OSBP2: variants seen among roughly 807,000 people sequenced by gnomAD.
OSBP2 encodes oxysterol-binding protein 2.
A neutral mutation model predicts 96.0 loss-of-function variants in OSBP2; 66 were observed. That is an observed-to-expected ratio of 0.69 (90% CI 0.56 to 0.84). The LOEUF (loss-of-function observed/expected upper bound fraction) is 0.84. Among genes scored for constraint, OSBP2 ranks in the 40% least tolerant of loss-of-function variants. OSBP2 has a pLI of 0.00. For missense variants in OSBP2, 1,038 were observed against 1,222.7 expected, an observed-to-expected ratio of 0.85 and a Z score of 2.25; for synonymous variants, 525 against 520.9, an observed-to-expected ratio of 1.01 and a Z score of -0.11.
intron 2 of OSBP2, among the ~76,000 whole-genome samples, chr22:30,766,571 G>A (rs1173865888): frequency 1.3e-5 from 2 of 152,102 alleles, no homozygotes; most frequent in African/African-American, 4.8e-5. Flanking sequence ...CTCCCTCCAC[G>A]CTCTTGGCCT....
chr22:30,833,780 TC>T (rs1345721370), intron 2 of OSBP2, among the ~76,000 whole-genome samples: 1 of 152,232 alleles, frequency 6.6e-6, no homozygotes, highest in Non-Finnish European at 1.5e-5. Context: ...GTCTGGGACT[TC>T]ATCATCATAT....
At position 30,730,811 on chromosome 22, in the gene OSBP2, T is replaced by TAA. The variant is rs544751584; in HGVS notation, c.645-10350_645-10349insAA. ...ATATATATATATATATATATATAAT[T>TAA]TTTTTTTTTTTTCCCATGGACATTT... On this transcript the variant is annotated intron_variant, in intron 1 of 13. Coordinates refer to ENST00000332585, the MANE Select transcript of OSBP2 (RefSeq NM_030758.4). Among the ~76,000 whole-genome samples the TAA allele has an allele frequency of 4.9e-3, 343 of 69,520 alleles. 43 individuals carry two copies. Among genetic ancestry groups the TAA allele is most frequent in the African/African-American group, 0.024 (327 of 13,638 alleles). 45.6% of individuals were successfully genotyped at this position (69,520 alleles called of 152,430 possible).
intron 2 of OSBP2, among the ~76,000 whole-genome samples, chr22:30,813,337 C>G (rs2091036792): frequency 6.6e-6 from 1 of 151,888 alleles, no homozygotes; most frequent in Non-Finnish European, 1.5e-5. Context: ...CCATGCCTGA[C>G]TAATTTTTGT....
At chr22:30,857,986 A>G (rs1424910565) in intron 2 of OSBP2, among the ~76,000 whole-genome samples, 1 of 152,212 alleles carries the variant, frequency 6.6e-6, no homozygotes, top group Non-Finnish European at 1.5e-5. Flanking sequence ...CTGCAGACAG[A>G]AGAGGCGGGA....
At position 30,870,408 on chromosome 22, in the gene OSBP2, CA is replaced by C. The variant is rs1569158457; in HGVS notation, c.854-19del. On this transcript the variant is annotated intron_variant, in intron 2 of 13. Coordinates refer to ENST00000332585, the MANE Select transcript of OSBP2 (RefSeq NM_030758.4). The surrounding 1 kb of genome is among the most constrained non-coding windows in gnomAD (Gnocchi z 4.1). ...CCACGTCTGTTCGTAATGACCGTAA[CA>C]ACTCTATTTTCTTCCACAGATGACT... The C allele has an allele frequency of 1.2e-6, 2 of 1,612,772 alleles. No individual in the cohort carries two copies. The highest frequency in any genetic ancestry group is 3.3e-5 in the Admixed American group (2 of 60,014).
chr22:30,735,128 G>A (rs1381992113), intron 1 of OSBP2, among the ~76,000 whole-genome samples: 1 of 152,178 alleles, frequency 6.6e-6, no homozygotes, highest in Non-Finnish European at 1.5e-5. Flanking sequence ...GGAGTTCAAG[G>A]CTGCAGTGAG....
At chr22:30,746,119 C>T (rs1275193346) in intron 2 of OSBP2, among the ~76,000 whole-genome samples, 2 of 152,062 alleles carry the variant, frequency 1.3e-5, no homozygotes, top group Non-Finnish European at 2.9e-5. Context: ...TTCTACCAAA[C>T]ATTTAAAGAA....
Position 30,889,209 on chromosome 22 carries a change from C to T in OSBP2, c.1451C>T (p.Ser484Phe). 3 of 1,613,514 alleles carry T rather than the reference C, an allele frequency of 1.9e-6. No homozygotes were observed. Among genetic ancestry groups the T allele is most frequent in the Non-Finnish European group, 2.5e-6 (3 of 1,179,896 alleles). The change falls in exon 6 of 14, where the codon TCC becomes TTC. Residue 484 changes from serine to phenylalanine, a missense_variant. Transcript: ENST00000332585. ...RKAEGSTGTSSVDWSSADNVL... is the reference protein window; with the variant it reads ...RKAEGSTGTSFVDWSSADNVL... ...GCTGAAGGTAGCACCGGGACAAGTT[C>T]CGTGGACTGGAGCTCAGCAGACAAT...
chr22:30,882,879 C>T (rs961385052), intron 3 of OSBP2, among the ~76,000 whole-genome samples: 1 of 152,234 alleles, frequency 6.6e-6, no homozygotes, highest in Non-Finnish European at 1.5e-5. Context: ...CATCTTTGTT[C>T]TCTGGTCATC....
intron 5 of OSBP2, among the ~76,000 whole-genome samples, chr22:30,888,710 C>G (rs530706497): frequency 1.3e-5 from 2 of 152,262 alleles, no homozygotes; most frequent in Admixed American, 6.5e-5. Flanking sequence ...GCCTGGGCAA[C>G]AGAGAGACCC....
At chr22:30,836,091 C>A (rs2038626427) in intron 2 of OSBP2, among the ~76,000 whole-genome samples, 2 of 152,232 alleles carry the variant, frequency 1.3e-5, no homozygotes, top group Admixed American at 1.3e-4. Flanking sequence ...CTTCTCTCCT[C>A]TGATCCACTC....
At chr22:30,902,429 T>G (rs543886992) in intron 12 of OSBP2, 1 of 1,584,494 alleles carries the variant, frequency 6.3e-7, no homozygotes, top group Admixed American at 1.7e-5. Context: ...AATCAGTCAC[T>G]TCATGTGGAC....
chr22:30,884,487 G>A (rs533692236), intron 3 of OSBP2, among the ~76,000 whole-genome samples: 5 of 152,326 alleles, frequency 3.3e-5, no homozygotes, highest in Admixed American at 2.0e-4. Flanking sequence ...CCTTGGGCAG[G>A]CCATGTTGCA....
chr22:30,787,412 A>G (rs1367127161), intron 2 of OSBP2, among the ~76,000 whole-genome samples: 7 of 151,868 alleles, frequency 4.6e-5, no homozygotes, highest in Non-Finnish European at 1.0e-4. Flanking sequence ...GTGGCTCACG[A>G]CTGTAATCTC....
intron 12 of OSBP2, among the ~76,000 whole-genome samples, chr22:30,901,013 T>A (rs958897827): frequency 2.0e-5 from 3 of 152,200 alleles, no homozygotes; most frequent in African/African-American, 7.2e-5. Context: ...AGAGGATTAT[T>A]ATCAAGAATA....
At chr22:30,715,696 C>T (rs935538989) in intron 1 of OSBP2, among the ~76,000 whole-genome samples, 3 of 151,464 alleles carry the variant, frequency 2.0e-5, no homozygotes, top group Non-Finnish European at 4.4e-5. Flanking sequence ...TGATTGATTA[C>T]AGGTGCCTGC....
chr22:30,700,025 C>T (rs887912066), intron 1 of OSBP2, among the ~76,000 whole-genome samples: 3 of 150,410 alleles, frequency 2.0e-5, no homozygotes, highest in Non-Finnish European at 4.4e-5. Flanking sequence ...TGCAGTGGCA[C>T]GATCTCGGCT....
chr22:30,769,910 C>T (rs992959873), intron 2 of OSBP2, among the ~76,000 whole-genome samples: 1 of 151,966 alleles, frequency 6.6e-6, no homozygotes, highest in African/African-American at 2.4e-5. Flanking sequence ...GTAATAATTG[C>T]CACGTGTTGA....
At chr22:30,822,897 T>C (rs2038313304) in intron 2 of OSBP2, among the ~76,000 whole-genome samples, 1 of 152,172 alleles carries the variant, frequency 6.6e-6, no homozygotes, top group East Asian at 1.9e-4. Context: ...CCCGGCTTGC[T>C]TCACGCGCGG....
Sources: allele counts gnomAD v4.1 joint callset (sites outside exome capture counted in the v4.1 genomes callset), GRCh38; gene constraint gnomAD v4.1.1; non-coding constraint Gnocchi (gnomAD v3.1); transcripts MANE v1.5; gene names NCBI Gene and HGNC (gene_info 2026-07-23, HGNC 2026-07-21).